Variants in NT5DC1 observed in about 807,000 individuals in gnomAD.
NT5DC1 encodes 5'-nucleotidase domain-containing protein 1.
A neutral mutation model predicts 59.4 loss-of-function variants in NT5DC1; 42 were observed. The ratio of observed to expected loss-of-function variants is 0.71; its 90% confidence interval spans 0.55 to 0.92. The LOEUF (loss-of-function observed/expected upper bound fraction) is 0.92, where lower values mean the gene tolerates loss of function less well. Among genes scored for constraint, NT5DC1 ranks in the 40% least tolerant of loss-of-function variants. The probability of loss-of-function intolerance (pLI) is 0.00; values close to 1 mark genes in which losing one functional copy is unlikely to be tolerated. For synonymous variants in NT5DC1, 172 were observed against 188.1 expected (o/e 0.91, Z 0.70); for missense variants, 501 against 537.1 (o/e 0.93, Z 0.66).
chr6:116,128,592 AC>A (rs1265643636), intron 6 of NT5DC1, among the ~76,000 whole-genome samples: 2 of 152,154 alleles, frequency 1.3e-5, no homozygotes, highest in Admixed American at 1.3e-4. Context: ...TAATTAATTC[AC>A]CTTATGTTTC....
At chr6:116,134,351 C>G (rs1779538612) in intron 6 of NT5DC1, among the ~76,000 whole-genome samples, 1 of 152,158 alleles carries the variant, frequency 6.6e-6, no homozygotes, top group Admixed American at 6.5e-5. Flanking sequence ...CCTCTGACTT[C>G]TTTAGTGTCT....
At chr6:116,202,274 T>C (rs143043624) in intron 6 of NT5DC1, among the ~76,000 whole-genome samples, 12 of 152,050 alleles carry the variant, frequency 7.9e-5, no homozygotes, top group African/African-American at 2.9e-4. Flanking sequence ...CTGTAGTACC[T>C]TTTTTTCTTA....
At chr6:116,241,944 C>CAAAAAAAAAAAAAAAAAAAAAAA (rs1173659223) in intron 11 of NT5DC1, among the ~76,000 whole-genome samples, 2 of 34,412 alleles carry the variant, frequency 5.8e-5, no homozygotes, top group Non-Finnish European at 8.9e-5. Flanking sequence ...AAAAACAAAA[C>CAAAAAAAAAAAAAAAAAAAAAAA]AAAAAAAAAA....
chr6:116,133,714 G>C (rs140116836), intron 6 of NT5DC1, among the ~76,000 whole-genome samples: 2,214 of 152,188 alleles, frequency 0.015, 27 homozygotes, highest in Middle Eastern at 0.048. Flanking sequence ...TTCCCTAATA[G>C]TGCAAAGATG....
chr6:116,195,466 T>A (rs1781203293), intron 6 of NT5DC1, among the ~76,000 whole-genome samples: 1 of 152,020 alleles, frequency 6.6e-6, no homozygotes, highest in African/African-American at 2.4e-5. Context: ...ATGGCCAAAT[T>A]GTGACCAAAT....
chr6:116,110,820 T>C (rs1237227560), intron 3 of NT5DC1, 30 bp from the exon 4 acceptor site: 6 of 1,470,258 alleles, frequency 4.1e-6, no homozygotes, highest in Admixed American at 1.7e-5. Context: ...GAACCATTAA[T>C]GAGCAATGTG....
chr6:116,229,767 T>A (rs1781980286), intron 8 of NT5DC1, among the ~76,000 whole-genome samples: 2 of 152,110 alleles, frequency 1.3e-5, no homozygotes, highest in African/African-American at 4.8e-5. Context: ...ATTGGGAGAA[T>A]CATGAGCCAA....
Position 116,223,027 on chromosome 6 carries a change from C to T in NT5DC1, c.705-7C>T. 6.7e-7 allele frequency: 1 copy of T among 1,499,362 alleles called. No homozygotes were observed. Among genetic ancestry groups the T allele is most frequent in the East Asian group, 2.3e-5 (1 of 43,974 alleles). 92.9% of individuals were successfully genotyped at this position (1,499,362 alleles called of 1,614,324 possible). A position where few individuals can be genotyped will look rare whatever the true frequency, so the allele number is the denominator to read the frequency against. On this transcript the variant is annotated splice_region_variant and splice_polypyrimidine_tract_variant and intron_variant, in intron 7 of 11. Coordinates refer to ENST00000319550, the MANE Select transcript of NT5DC1 (RefSeq NM_152729.3). Reference sequence around the variant, plus strand: ...AATAAACTTATGAAAAATTGTGTTGCTTTTAGGAATGATTTTACAGACCTT... The same window carrying T: ...AATAAACTTATGAAAAATTGTGTTGTTTTTAGGAATGATTTTACAGACCTT...
At chr6:116,166,065 T>C (rs537376048) in intron 6 of NT5DC1, among the ~76,000 whole-genome samples, 12 of 152,204 alleles carry the variant, frequency 7.9e-5, no homozygotes, top group African/African-American at 2.9e-4. Flanking sequence ...AAAGGCTCCC[T>C]GACAATTTGG....
chr6:116,118,499 A>AT (rs2114268390), intron 6 of NT5DC1, among the ~76,000 whole-genome samples: 1 of 152,298 alleles, frequency 6.6e-6, no homozygotes, highest in East Asian at 1.9e-4. Flanking sequence ...CTTGAGCCAC[A>AT]TTGTCCTGAT....
intron 6 of NT5DC1, among the ~76,000 whole-genome samples, chr6:116,142,009 A>T (rs910280112): frequency 6.6e-6 from 1 of 152,018 alleles, no homozygotes; most frequent in Non-Finnish European, 1.5e-5. Context: ...ACTTAGATGA[A>T]AACTCAAAAA....
At chr6:116,161,846 C>T (rs1476237487) in intron 6 of NT5DC1, among the ~76,000 whole-genome samples, 1 of 152,146 alleles carries the variant, frequency 6.6e-6, no homozygotes, top group Non-Finnish European at 1.5e-5. Context: ...GACATTGATT[C>T]TTCCTGCCCA....
In NT5DC1 at chr6:116,220,545, G is replaced by A. The variant is rs147816791; in HGVS notation, c.530-509G>A. 1.4e-3 allele frequency among the ~76,000 whole-genome samples: 220 copies of A among 152,328 alleles called. 1 individual carries two copies. Among genetic ancestry groups the A allele is most frequent in the Non-Finnish European group, 4.7e-4 (32 of 68,030 alleles). ...ATCTCAGCACTTCTCAGAGGCTATAGAATGGCTCCCCTAGTATAGATTCCA... is the reference window on the plus strand; with the variant it reads ...ATCTCAGCACTTCTCAGAGGCTATAAAATGGCTCCCCTAGTATAGATTCCA... On this transcript the variant is annotated intron_variant, in intron 6 of 11. Transcript: ENST00000319550.
At chr6:116,199,187 C>A (rs1444803623) in intron 6 of NT5DC1, among the ~76,000 whole-genome samples, 1 of 152,042 alleles carries the variant, frequency 6.6e-6, no homozygotes, top group Non-Finnish European at 1.5e-5. Flanking sequence ...AAGACAGACT[C>A]TCCAGTTGTT....
In NT5DC1 at chr6:116,121,032, C is replaced by A. The variant is rs780497051; in HGVS notation, c.529+3087C>A. 1.5e-5 allele frequency: 24 copies of A among 1,613,950 alleles called. No individual in the cohort carries two copies. The South Asian group carries it at 2.3e-4, about 16-fold the overall frequency. On this transcript the variant is annotated intron_variant, in intron 6 of 11. Transcript: ENST00000319550. ...GCAGGCCCAGCTGGCCCTGTCTCAC[C>A]TTTAGGGCCTGGGAGACCATGGCTA... is the stretch of plus-strand genomic sequence containing the variant.
intron 6 of NT5DC1, among the ~76,000 whole-genome samples, chr6:116,198,942 A>G (rs1242532306): frequency 6.6e-6 from 1 of 152,032 alleles, no homozygotes; most frequent in Non-Finnish European, 1.5e-5. Context: ...AGAATCTTCT[A>G]GTATTTATTC....
chr6:116,113,559 A>G (rs902875888), intron 4 of NT5DC1, among the ~76,000 whole-genome samples: 1 of 152,186 alleles, frequency 6.6e-6, no homozygotes, highest in Non-Finnish European at 1.5e-5. Context: ...TGGGTGAGGC[A>G]TTGCAAGCAG....
intron 6 of NT5DC1, among the ~76,000 whole-genome samples, chr6:116,146,409 C>G (rs1779898494): frequency 6.6e-6 from 1 of 152,116 alleles, no homozygotes; most frequent in Non-Finnish European, 1.5e-5. Flanking sequence ...AGGAATTTCT[C>G]AGAAGCTCCA....
At chr6:116,208,558 G>A (rs1007758415) in intron 6 of NT5DC1, among the ~76,000 whole-genome samples, 16 of 152,050 alleles carry the variant, frequency 1.1e-4, no homozygotes, top group African/African-American at 3.4e-4. Flanking sequence ...GCCTTTATTC[G>A]TTCATCTCAA....
Sources: allele counts gnomAD v4.1 joint callset (sites outside exome capture counted in the v4.1 genomes callset), GRCh38; gene constraint gnomAD v4.1.1; transcripts MANE v1.5; gene names NCBI Gene and HGNC (gene_info 2026-07-23, HGNC 2026-07-21).